RHPN2: variants seen among roughly 807,000 people sequenced by gnomAD.
The protein encoded by RHPN2 is rhophilin Rho GTPase binding protein 2.
A neutral mutation model predicts 79.0 loss-of-function variants in RHPN2; 40 were observed. The observed-to-expected ratio is 0.51, with a 90% CI of 0.39 to 0.66. RHPN2 has a LOEUF of 0.66. RHPN2 is among the 30% of genes least tolerant of loss of function. The pLI, the probability that RHPN2 is intolerant of heterozygous loss-of-function variation, is 0.00. For synonymous variants in RHPN2, 285 were observed against 363.5 expected, an observed-to-expected ratio of 0.78 and a Z score of 2.46; for missense variants, 686 against 883.5, an observed-to-expected ratio of 0.78 and a Z score of 2.83.
intron 7 of RHPN2, among the ~76,000 whole-genome samples, chr19:33,003,905 G>A (rs1170675052): frequency 6.6e-6 from 1 of 152,132 alleles, no homozygotes; most frequent in African/African-American, 2.4e-5. Context: ...CTGGGCACAG[G>A]GGCTGCTGCC....
chr19:33,044,312 G>C lies in RHPN2; in HGVS notation c.122C>G (p.Ala41Gly), dbSNP rs771685886. The change falls in exon 2 of 15, where the codon GCT becomes GGT. Residue 41 changes from alanine (A) to glycine (G), a missense_variant. Ala to Gly is a moderately conservative substitution (Grantham distance 60). Transcript: ENST00000254260. ...TGRSKLQNQR[A>G]ALNQQILKAV... ...TTTCAGGATCTGCTGATTCAAAGCA[G>C]CTCTTTGATTCTGCAATTTACTCCG... The C allele has an allele frequency of 1.9e-6, 3 of 1,614,142 alleles. No individual in the cohort carries two copies. In the South Asian group the frequency reaches 3.3e-5, roughly 18 times the overall value.
intron 6 of RHPN2, among the ~76,000 whole-genome samples, chr19:33,010,860 G>A (rs1971830072): frequency 6.6e-6 from 1 of 151,076 alleles, no homozygotes; most frequent in Admixed American, 6.6e-5. Context: ...TTTTTGTATT[G>A]TTTGTAGATA....
intron 4 of RHPN2, among the ~76,000 whole-genome samples, chr19:33,019,322 G>A (rs1221287189): frequency 1.3e-5 from 2 of 150,646 alleles, no homozygotes; most frequent in African/African-American, 4.9e-5. Flanking sequence ...GCTCACGCCT[G>A]TAATCCCAGC....
At position 33,052,565 on chromosome 19, in the gene RHPN2, C is replaced by T. The variant is rs533210305; in HGVS notation, c.70-8201G>A. Among the ~76,000 whole-genome samples, 5 of 152,328 alleles carry T rather than the reference C, an allele frequency of 3.3e-5. No homozygotes were observed. In the East Asian group the frequency reaches 9.6e-4, roughly 29 times the overall value. ...CACCAAACTCTGGAAAACAGAATTG[C>T]TTGTTTATAAGTCAGCCAGAGCAAT... On this transcript the variant is annotated intron_variant, in intron 1 of 14. Coordinates refer to ENST00000254260, the MANE Select transcript of RHPN2 (RefSeq NM_033103.5).
intron 14 of RHPN2, among the ~76,000 whole-genome samples, chr19:32,985,473 A>C (rs1971606993): frequency 6.6e-6 from 1 of 152,076 alleles, no homozygotes; most frequent in African/African-American, 2.4e-5. Context: ...CCGTCTCTAC[A>C]AAAAATACGA....
intron 13 of RHPN2, 30 bp from the exon 14 acceptor site, chr19:32,990,699 C>G (rs541569445): frequency 6.2e-7 from 1 of 1,613,480 alleles, no homozygotes; most frequent in Non-Finnish European, 8.5e-7. Context: ...ATTAAGTCAA[C>G]GTTTTGTTCA....
In RHPN2 at chr19:33,002,891, G is replaced by A. The variant is rs771394678; in HGVS notation, c.870C>T (p.Ser290=). The change falls in exon 8 of 15, where the codon AGC becomes AGT. Residue 290 remains serine (S), a synonymous_variant. Coordinates refer to ENST00000254260, the MANE Select transcript of RHPN2 (RefSeq NM_033103.5). ...VKMMLAQAQE[S]VFEKISLPGI... is the part of the protein sequence containing the mutation. ...CAGGAAGGCTGATTTTCTCAAACAC[G>A]CTTTCTTGGGCTTGTGCAAGCATCA... The A allele has an allele frequency of 2.5e-6, 4 of 1,613,930 alleles. No individual in the cohort carries two copies. Among genetic ancestry groups the A allele is most frequent in the South Asian group, 1.1e-5 (1 of 91,080 alleles).
At chr19:33,010,068 C>T (rs1404666747) in intron 6 of RHPN2, among the ~76,000 whole-genome samples, 4 of 152,128 alleles carry the variant, frequency 2.6e-5, no homozygotes, top group African/African-American at 7.2e-5. Context: ...CGTGAGCCAC[C>T]GCACCTGGCC....
chr19:33,034,154 G>A (rs575702203), intron 2 of RHPN2, among the ~76,000 whole-genome samples: 6 of 151,222 alleles, frequency 4.0e-5, no homozygotes, highest in South Asian at 2.1e-4. Context: ...CATCGCGCCC[G>A]GCCTGGCAAC....
intron 2 of RHPN2, among the ~76,000 whole-genome samples, chr19:33,040,198 TTAGCTAAAAC>T (rs1282081480): frequency 6.6e-6 from 1 of 151,500 alleles, no homozygotes; most frequent in Non-Finnish European, 1.5e-5. Flanking sequence ...AAAGAACTAG[TTAGCTAAAAC>T]TAGTTAAAAC....
intron 6 of RHPN2, among the ~76,000 whole-genome samples, chr19:33,011,299 T>TTCTC (rs372438162): frequency 6.6e-6 from 1 of 151,840 alleles, no homozygotes; most frequent in Non-Finnish European, 1.5e-5. Context: ...AGACCTGATT[T>TTCTC]TCTCTCTCTC....
In RHPN2 at chr19:32,991,963, A is replaced by G. The variant is rs1370427407; in HGVS notation, c.1504T>C (p.Leu502=). ...VTDFFQKLGP[L]SVFSANKRWT... is the part of the protein sequence containing the mutation. ...CGCTTGTTAGCCGAAAACACAGATA[A>G]GGGGCCCTTTGGAAGAGAGCATCGT... Residue 502 remains leucine (L), a synonymous_variant, in exon 13 of 15, where the codon TTA becomes CTA. Coordinates refer to ENST00000254260, the MANE Select transcript of RHPN2 (RefSeq NM_033103.5). 2.5e-6 allele frequency: 4 copies of G among 1,613,918 alleles called. No homozygotes were observed. Among genetic ancestry groups the G allele is most frequent in the Non-Finnish European group, 3.4e-6 (4 of 1,179,830 alleles).
rs527311795 is a variant in RHPN2, at chr19:33,033,685, G to A, written c.186-7053C>T. Reference sequence around the variant, plus strand: ...GGAGTTGGAGACCAGCCTGACCAACGTGGAGAAATCTCGTCTCTACTGAAA... The same window carrying A: ...GGAGTTGGAGACCAGCCTGACCAACATGGAGAAATCTCGTCTCTACTGAAA... On this transcript the variant is annotated intron_variant, in intron 2 of 14. Coordinates refer to ENST00000254260, the MANE Select transcript of RHPN2 (RefSeq NM_033103.5). Among the ~76,000 whole-genome samples, 78 of 151,872 alleles carry A rather than the reference G, an allele frequency of 5.1e-4. 1 individual carries two copies. The highest frequency in any genetic ancestry group is 1.8e-3 in the African/African-American group (76 of 41,444).
intron 2 of RHPN2, among the ~76,000 whole-genome samples, chr19:33,031,774 C>G (rs1030913891): frequency 6.6e-6 from 1 of 151,986 alleles, no homozygotes; most frequent in African/African-American, 2.4e-5. Context: ...CTCTGCCTCA[C>G]GGGTTCCAGT....
In RHPN2 at chr19:33,036,662, G is replaced by A. The variant is rs559218140; in HGVS notation, c.185+7587C>T. Among the ~76,000 whole-genome samples, 315 of 152,282 alleles carry A rather than the reference G, an allele frequency of 2.1e-3. 1 individual carries two copies. Among genetic ancestry groups the A allele is most frequent in the African/African-American group, 7.3e-3 (305 of 41,576 alleles). ...AGGGAGAGGCGCGGGCGGGAACCAG[G>A]GCTGCCCGCGGTGCTTGCGGGCTAG... On this transcript the variant is annotated intron_variant, in intron 2 of 14. Transcript: ENST00000254260.
chr19:33,016,767 C>T (rs1298822003), intron 4 of RHPN2, among the ~76,000 whole-genome samples: 1 of 152,162 alleles, frequency 6.6e-6, no homozygotes, highest in East Asian at 1.9e-4. Context: ...ACACACAAGT[C>T]AGATTTGAAA....
intron 2 of RHPN2, among the ~76,000 whole-genome samples, chr19:33,039,526 G>A (rs756283568): frequency 1.3e-4 from 20 of 152,092 alleles, no homozygotes; most frequent in Admixed American, 4.6e-4. Context: ...CCTCTGAAAC[G>A]AGTCCCCAAA....
rs1410585826 is a variant in RHPN2 at position 32,990,811 on chromosome 19, C to T, written c.1645-142G>A. 55 of 822,868 alleles carry T rather than the reference C, an allele frequency of 6.7e-5. 1 individual carries two copies. In the South Asian group the frequency reaches 7.4e-4, roughly 11 times the overall value. The allele number at this position is 822,868 out of a possible 1,614,324, so 51.0% of individuals were successfully genotyped here. On this transcript the variant is annotated intron_variant, in intron 13 of 14. Transcript: ENST00000254260. ...TTGGGTGGCTGAGACGGGTAGATCA[C>T]TTGAGGTCAGTAGTTCAAGACCAGC...
intron 4 of RHPN2, among the ~76,000 whole-genome samples, chr19:33,016,432 A>C (rs574039263): frequency 6.6e-6 from 1 of 152,220 alleles, no homozygotes; most frequent in East Asian, 1.9e-4. Flanking sequence ...TGTAATCCCA[A>C]CACTTTGGGA....
Sources: gnomAD v4.1 joint callset for allele counts (sites outside exome capture counted in the v4.1 genomes callset) on GRCh38, gnomAD v4.1.1 for gene constraint, MANE v1.5 for transcripts, NCBI Gene and HGNC (gene_info 2026-07-23, HGNC 2026-07-21) for gene names.